NCKAP5: variants seen among roughly 807,000 people sequenced by gnomAD.
NCKAP5 encodes the protein nck-associated protein 5.
In NCKAP5, 92 loss-of-function variants were observed where a neutral mutation model predicts 167.0. The observed-to-expected ratio is 0.55, with a 90% CI of 0.47 to 0.66. The LOEUF is 0.66. Among genes scored for constraint, NCKAP5 ranks in the 30% least tolerant of loss-of-function variants. NCKAP5 has a pLI of 0.00. For missense variants in NCKAP5, 2,378 were observed against 2,315.0 expected, an observed-to-expected ratio of 1.03 and a Z score of -0.56; for synonymous variants, 891 against 877.4, an observed-to-expected ratio of 1.02 and a Z score of -0.27.
At chr2:133,598,021 G>A in the NCKAP5 span, among the ~76,000 whole-genome samples, 5 of 152,188 alleles carry the variant, frequency 3.3e-5, no homozygotes, top group African/African-American at 1.2e-4. Flanking sequence ...TCCAGGTAGT[G>A]TGACTAAGAG....
chr2:133,044,470 T>C (rs538072651), intron 6 of NCKAP5, among the ~76,000 whole-genome samples: 8 of 152,130 alleles, frequency 5.3e-5, no homozygotes, highest in East Asian at 3.9e-4. Flanking sequence ...CCCATAAACA[T>C]GTAATAAGAT....
chr2:133,548,082 C>G (rs549853092), intron 2 of NCKAP5, among the ~76,000 whole-genome samples: 23 of 147,176 alleles, frequency 1.6e-4, no homozygotes, highest in South Asian at 8.7e-4. Flanking sequence ...GTGAAGAATG[C>G]AGAAGCCTCA....
At chr2:133,642,008 T>C in the NCKAP5 span, among the ~76,000 whole-genome samples, 1 of 152,190 alleles carries the variant, frequency 6.6e-6, no homozygotes, top group Non-Finnish European at 1.5e-5. Context: ...TTTTAGTGGC[T>C]GGATAGTACA....
At chr2:133,441,102 A>T (rs1446514922) in intron 3 of NCKAP5, among the ~76,000 whole-genome samples, 2 of 149,784 alleles carry the variant, frequency 1.3e-5, no homozygotes, top group Admixed American at 1.3e-4. Context: ...ACTCACACAC[A>T]CACACACACA....
chr2:133,487,214 A>C (rs751014428), intron 3 of NCKAP5, among the ~76,000 whole-genome samples: 1 of 152,228 alleles, frequency 6.6e-6, no homozygotes, highest in Non-Finnish European at 1.5e-5. Flanking sequence ...TAGCACAGGA[A>C]GAGTTATAGA....
chr2:133,213,264 G>A (rs1305376959), intron 5 of NCKAP5, among the ~76,000 whole-genome samples: 2 of 152,232 alleles, frequency 1.3e-5, no homozygotes, highest in African/African-American at 4.8e-5. Context: ...AAAGGACAAG[G>A]AAAAATATAT....
intron 5 of NCKAP5, among the ~76,000 whole-genome samples, chr2:133,153,930 A>G (rs1233912519): frequency 1.4e-5 from 2 of 141,580 alleles, no homozygotes; most frequent in African/African-American, 2.7e-5. Flanking sequence ...CCTCCCCCCA[A>G]GAAGGGTTCA....
chr2:133,605,370 T>C, the NCKAP5 span, among the ~76,000 whole-genome samples: 1 of 152,180 alleles, frequency 6.6e-6, no homozygotes, highest in Non-Finnish European at 1.5e-5. Context: ...GGGAGGGCAC[T>C]GAGCTTGAAT....
chr2:133,599,847 A>C, the NCKAP5 span, among the ~76,000 whole-genome samples: 1 of 152,260 alleles, frequency 6.6e-6, no homozygotes, highest in Admixed American at 6.5e-5. Flanking sequence ...ATCAGAAATC[A>C]GGATGGGAGA....
intron 3 of NCKAP5, among the ~76,000 whole-genome samples, chr2:133,417,095 T>C (rs1198581753): frequency 6.6e-6 from 1 of 150,810 alleles, no homozygotes; most frequent in Non-Finnish European, 1.5e-5. Flanking sequence ...AATGAAAATA[T>C]CTTTCTTTTT....
chr2:133,575,176 A>G, the NCKAP5 span, among the ~76,000 whole-genome samples: 7 of 152,324 alleles, frequency 4.6e-5, no homozygotes, highest in East Asian at 5.8e-4. Context: ...AGACGCCAGG[A>G]AAGTCCAAGG....
At position 133,465,578 on chromosome 2, in the gene NCKAP5, T is replaced by C. The variant is rs1042705746; in HGVS notation, c.69+51880A>G. ...TTCCAGTTCTAGATCCCTGAGGAAT[T>C]GCCATACTGACTTCCACAATGGTTG... On this transcript the variant is annotated intron_variant, in intron 3 of 19. Transcript: ENST00000409261. Among the ~76,000 whole-genome samples the C allele has an allele frequency of 1.1e-3, 166 of 152,310 alleles. 1 individual carries two copies. The highest frequency in any genetic ancestry group is 3.5e-3 in the African/African-American group (147 of 41,560).
At chr2:133,075,984 T>TA in intron 6 of NCKAP5, among the ~76,000 whole-genome samples, 1 of 152,000 alleles carries the variant, frequency 6.6e-6, no homozygotes. Flanking sequence ...TATAATAATA[T>TA]AAAAAAGTGA....
intron 6 of NCKAP5, among the ~76,000 whole-genome samples, chr2:133,013,603 A>G (rs1370601): frequency 0.33 from 50,410 of 152,092 alleles, 10,606 homozygotes; most frequent in South Asian, 0.47. Context: ...GGTTCCTCCC[A>G]TGACACATGG....
At chr2:133,081,843 A>T (rs557484233) in intron 6 of NCKAP5, among the ~76,000 whole-genome samples, 1 of 152,296 alleles carries the variant, frequency 6.6e-6, no homozygotes, top group South Asian at 2.1e-4. Flanking sequence ...CAGATTACCC[A>T]GACATCAAGT....
the NCKAP5 span, among the ~76,000 whole-genome samples, chr2:133,584,492 C>T: frequency 1.3e-5 from 2 of 152,146 alleles, no homozygotes; most frequent in African/African-American, 4.8e-5. Flanking sequence ...GGGCCAGGTG[C>T]AGTGGCTCAT....
At chr2:133,524,807 T>A (rs991206532) in intron 2 of NCKAP5, among the ~76,000 whole-genome samples, 2 of 152,214 alleles carry the variant, frequency 1.3e-5, no homozygotes, top group African/African-American at 4.8e-5. Context: ...GGAAGATATA[T>A]CAGCTCAATA....
At chr2:133,597,562 G>A in the NCKAP5 span, among the ~76,000 whole-genome samples, 4 of 151,192 alleles carry the variant, frequency 2.6e-5, no homozygotes, top group Non-Finnish European at 5.9e-5. Flanking sequence ...CCAGCTACTC[G>A]GGAGGCTGAG....
At position 132,728,916 on chromosome 2, in the gene NCKAP5, G is replaced by C. The variant is rs1349857280; in HGVS notation, c.5480C>G (p.Pro1827Arg). The change falls in exon 18 of 20, where the codon CCA (proline) becomes CGA (arginine). Residue 1827 changes from proline to arginine, a missense_variant. Physicochemically the swap from Pro to Arg is moderately radical, Grantham distance 103. Around this residue, in one of 3 missense-constraint regions of NCKAP5, gnomAD observed 1,325 missense variants for 1,274.5 expected, o/e 1.04. Transcript: ENST00000409261. The part of the protein sequence containing the change: ...VSSQKQNEAE[P>R]RPQTCSSFGY... ...GAATGATGAGCATGTCTGAGGCCTT[G>C]GCTCTGCTTCATTCTGCTTTTGGGA... The C allele has an allele frequency of 5.0e-6, 8 of 1,613,802 alleles. No homozygotes were observed. The highest frequency in any genetic ancestry group is 6.8e-6 in the Non-Finnish European group (8 of 1,179,862).
Sources: allele counts gnomAD v4.1 joint callset (sites outside exome capture counted in the v4.1 genomes callset), GRCh38; gene constraint gnomAD v4.1.1; regional missense constraint gnomAD v4.1.1; transcripts MANE v1.5; gene names NCBI Gene and HGNC (gene_info 2026-07-23, HGNC 2026-07-21).